The following DOP1B variants were observed in gnomAD, a reference collection of about 807,000 sequenced individuals.
The protein encoded by DOP1B is protein DOP1B.
DOP1B carries 174 observed loss-of-function variants against 233.5 expected under a neutral mutation model. The ratio of observed to expected loss-of-function variants is 0.75; its 90% confidence interval spans 0.66 to 0.85. DOP1B has a LOEUF of 0.85. Ranked by LOEUF, DOP1B falls within the 40% of genes least tolerant of loss-of-function variation. DOP1B has a pLI of 0.00. For synonymous variants in DOP1B, 1,190 were observed against 1,185.6 expected, an observed-to-expected ratio of 1.00 and a Z score of -0.08; for missense variants, 2,652 against 2,846.6, an observed-to-expected ratio of 0.93 and a Z score of 1.56.
chr21:36,281,657 C>A, intron 32 of DOP1B, 46 bp downstream of exon 32: 2 of 1,426,876 alleles, frequency 1.4e-6, no homozygotes, highest in Non-Finnish European at 1.9e-6. Flanking sequence ...TAACAGAATA[C>A]CTGAGACTGG....
intron 10 of DOP1B, among the ~76,000 whole-genome samples, chr21:36,220,073 TG>T (rs1388788062): frequency 6.6e-6 from 1 of 152,162 alleles, no homozygotes; most frequent in Non-Finnish European, 1.5e-5. Context: ...AACCCTGTTT[TG>T]TTTGTTTATT....
chr21:36,288,560 G>A lies in DOP1B; in HGVS notation c.6298-196G>A, dbSNP rs116253588. Among the ~76,000 whole-genome samples the A allele has an allele frequency of 5.2e-3, 797 of 152,174 alleles. 8 individuals are homozygous for A. The highest frequency in any genetic ancestry group is 0.018 in the African/African-American group (740 of 41,524). On this transcript the variant is annotated intron_variant, in intron 33 of 36. Coordinates refer to ENST00000691173, the MANE Select transcript of DOP1B (RefSeq NM_001320714.2). ...AATACAAAAATTAATTCGGCATGGC[G>A]GGAAGTTGCATCTGCAGAAGGTTGA...
intron 13 of DOP1B, among the ~76,000 whole-genome samples, chr21:36,229,914 C>T (rs1272816526): frequency 1.3e-5 from 2 of 152,126 alleles, no homozygotes; most frequent in African/African-American, 4.8e-5. Flanking sequence ...CCACCCACCT[C>T]ATCCTCCCAA....
Position 36,293,382 on chromosome 21 carries a change from T to C in DOP1B, c.6708T>C (p.Ser2236=). 6.2e-7 allele frequency: 1 copy of C among 1,614,204 alleles called. No homozygotes were observed. The highest frequency in any genetic ancestry group is 1.1e-5 in the South Asian group (1 of 91,086). ...AATTCCCGCTTCTGCGCCAACATTC[T>C]GTTTCCAGCATCAGGCAGTTGATGC... is the stretch of plus-strand genomic sequence containing the variant. ...KSEFPLLRQH[S]VSSIRQLMPF... is the part of the protein sequence containing the mutation. The change falls in exon 37 of 37, where the codon TCT becomes TCC. Residue 2236 remains serine, a synonymous_variant. Coordinates refer to ENST00000691173, the MANE Select transcript of DOP1B (RefSeq NM_001320714.2).
At chr21:36,165,479 G>A (rs989121004) in intron 2 of DOP1B, among the ~76,000 whole-genome samples, 5 of 152,064 alleles carry the variant, frequency 3.3e-5, no homozygotes, top group African/African-American at 1.2e-4. Context: ...CTGGTCACAC[G>A]TGGGCTTGAC....
intron 30 of DOP1B, 43 bp downstream of exon 30, chr21:36,278,398 G>C (rs192617168): frequency 1.9e-5 from 29 of 1,566,788 alleles, no homozygotes; most frequent in Non-Finnish European, 2.2e-5. Flanking sequence ...TGAATCTTCA[G>C]GTGGAAATGG....
intron 26 of DOP1B, among the ~76,000 whole-genome samples, chr21:36,269,576 A>G (rs1315935010): frequency 6.6e-6 from 1 of 152,184 alleles, no homozygotes; most frequent in African/African-American, 2.4e-5. Flanking sequence ...ACTGGAGTGC[A>G]GTGGCATGAT....
intron 2 of DOP1B, among the ~76,000 whole-genome samples, chr21:36,194,968 G>A (rs1173628212): frequency 6.6e-6 from 1 of 152,068 alleles, no homozygotes; most frequent in Non-Finnish European, 1.5e-5. Context: ...CACTTTGGGA[G>A]GCCAGTGCAG....
At chr21:36,205,708 A>C (rs1030506307) in intron 4 of DOP1B, among the ~76,000 whole-genome samples, 4 of 150,508 alleles carry the variant, frequency 2.7e-5, no homozygotes, top group Non-Finnish European at 5.9e-5. Context: ...TTTTGAATTA[A>C]AAGTTTAGGG....
chr21:36,161,244 C>T (rs1359317947), intron 1 of DOP1B, among the ~76,000 whole-genome samples: 2 of 151,948 alleles, frequency 1.3e-5, no homozygotes, highest in Non-Finnish European at 2.9e-5. Context: ...CTCCTGGATT[C>T]CAGTGATTCT....
In DOP1B at chr21:36,208,908, G is replaced by C; in HGVS notation, c.681+4G>C. The C allele has an allele frequency of 6.6e-7, 1 of 1,514,852 alleles. No homozygotes were observed. Among genetic ancestry groups the C allele is most frequent in the Non-Finnish European group, 8.8e-7 (1 of 1,131,082 alleles). 93.8% of individuals were successfully genotyped at this position (1,514,852 alleles called of 1,614,324 possible). A position where few individuals can be genotyped will look rare whatever the true frequency, so the allele number is the denominator to read the frequency against. ...GGGGACCAATCACCAACTCACGGTG[G>C]GTGCTGTGTTCCTCACAGGGCATGG... On this transcript the variant is annotated splice_donor_region_variant and intron_variant, in intron 5 of 36. Transcript: ENST00000691173.
At position 36,204,658 on chromosome 21, in the gene DOP1B, A is replaced by ATTTTTTTTTT. The variant is rs56725433; in HGVS notation, c.492-4050_492-4041dup. 3.6e-3 allele frequency among the ~76,000 whole-genome samples: 416 copies of ATTTTTTTTTT among 115,118 alleles called. 27 individuals are homozygous for ATTTTTTTTTT. The highest frequency in any genetic ancestry group is 0.026 in the South Asian group (95 of 3,634). 75.5% of individuals were successfully genotyped at this position (115,118 alleles called of 152,430 possible). On this transcript the variant is annotated intron_variant, in intron 4 of 36. Coordinates refer to ENST00000691173, the MANE Select transcript of DOP1B (RefSeq NM_001320714.2). The stretch of plus-strand genomic sequence containing the variant: ...GCCACCCCTTTTGGCTGACATTTCT[A>ATTTTTTTTTT]TTTTTTTTTTTTTTTTGAGACAGTC...
intron 23 of DOP1B, among the ~76,000 whole-genome samples, chr21:36,259,462 G>C (rs959572374): frequency 6.6e-6 from 1 of 151,566 alleles, no homozygotes; most frequent in Non-Finnish European, 1.5e-5. Flanking sequence ...TAGTAGAGAT[G>C]GGGTTTTGCC....
intron 28 of DOP1B, 74 bp from the exon 29 acceptor site, chr21:36,277,901 C>T (rs897408866): frequency 4.8e-6 from 6 of 1,238,408 alleles, no homozygotes; most frequent in Non-Finnish European, 7.1e-6. Context: ...CTCAGCCTCC[C>T]GAAGTGCTGG....
chr21:36,223,377 A>C, intron 11 of DOP1B, 27 bp downstream of exon 11: 1 of 1,597,408 alleles, frequency 6.3e-7, no homozygotes, highest in Admixed American at 1.8e-5. Context: ...AGAATGCAGA[A>C]TATTTAGGAA....
At chr21:36,181,124 G>A (rs894051097) in intron 2 of DOP1B, among the ~76,000 whole-genome samples, 4 of 152,080 alleles carry the variant, frequency 2.6e-5, no homozygotes, top group Admixed American at 6.6e-5. Flanking sequence ...TGTTAACCAC[G>A]GTAATGTTGG....
intron 36 of DOP1B, among the ~76,000 whole-genome samples, 182 bp downstream of exon 36, chr21:36,292,415 C>G (rs886364923): frequency 6.6e-6 from 1 of 151,564 alleles, no homozygotes; most frequent in African/African-American, 2.4e-5. Flanking sequence ...TGCCACCACA[C>G]CTGGCTAATT....
intron 27 of DOP1B, among the ~76,000 whole-genome samples, chr21:36,270,390 T>C (rs2067273895): frequency 6.6e-6 from 1 of 150,630 alleles, no homozygotes. Context: ...CCGTCTCTAC[T>C]AAAAGTAAAA....
chr21:36,282,044 C>A (rs921116227), intron 32 of DOP1B, among the ~76,000 whole-genome samples: 1 of 152,174 alleles, frequency 6.6e-6, no homozygotes, highest in African/African-American at 2.4e-5. Context: ...CGTGCTTTGG[C>A]ATGATTGTCA....
Sources: gnomAD v4.1 joint callset for allele counts (sites outside exome capture counted in the v4.1 genomes callset) on GRCh38, gnomAD v4.1.1 for gene constraint, MANE v1.5 for transcripts, NCBI Gene and HGNC (gene_info 2026-07-23, HGNC 2026-07-21) for gene names.